Variants in SORCS2 observed in about 807,000 individuals in gnomAD.
SORCS2 encodes the protein sortilin related VPS10 domain containing receptor 2.
In SORCS2, 100 loss-of-function variants were observed where a neutral mutation model predicts 141.6. The observed-to-expected ratio is 0.71, with a 90% confidence interval of 0.60 to 0.83. The LOEUF (loss-of-function observed/expected upper bound fraction) is 0.83. Ranked by LOEUF, SORCS2 falls within the 40% of genes least tolerant of loss-of-function variation. SORCS2 has a pLI of 0.00. For synonymous variants in SORCS2, 789 were observed against 676.9 expected, an observed-to-expected ratio of 1.17 and a Z score of -2.57; for missense variants, 1,646 against 1,560.2, an observed-to-expected ratio of 1.05 and a Z score of -0.93.
At chr4:7,418,269 G>A (rs1202167067) in intron 2 of SORCS2, among the ~76,000 whole-genome samples, 1 of 152,210 alleles carries the variant, frequency 6.6e-6, no homozygotes, top group Non-Finnish European at 1.5e-5. Context: ...AAGTCACTGG[G>A]TGATGCCCAT....
rs894690804 is a variant in SORCS2, at chr4:7,724,121, G to A, written c.2611+238G>A. Among the ~76,000 whole-genome samples the A allele has an allele frequency of 8.9e-3, 1,161 of 131,160 alleles. 17 individuals are homozygous for A. The highest frequency in any genetic ancestry group is 0.036 in the African/African-American group (1,081 of 29,968). The allele number at this position is 131,160 out of a possible 152,430, so 86.0% of individuals were successfully genotyped here. A position where few individuals can be genotyped will look rare whatever the true frequency, so the allele number is the denominator to read the frequency against. On this transcript the variant is annotated intron_variant, in intron 19 of 26. Transcript: ENST00000507866. ...ATTGATGATAGTGGTGGTGATGGTG[G>A]TGGTGGTGGTGGTGGTGGTGATGGT...
rs16840892 is a variant in SORCS2 at position 7,714,334 on chromosome 4, C to A, written c.2084C>A (p.Thr695Lys). The change falls in exon 16 of 27, where the codon ACG (threonine) becomes AAG (lysine). Residue 695 changes from threonine to lysine, a missense_variant. Transcript: ENST00000507866. ...IKGRSFTSAL[T>K]SRVCECRDSD... ...GGGAGGAGCTTCACGTCGGCGCTCACGTCCCGCGTGTGCGAGTGCCGGGAC... is the reference window on the plus strand; with the variant it reads ...GGGAGGAGCTTCACGTCGGCGCTCAAGTCCCGCGTGTGCGAGTGCCGGGAC... The A allele has an allele frequency of 1.3e-6, 2 of 1,573,026 alleles. No homozygotes were observed. The highest frequency in any genetic ancestry group is 1.2e-5 in the South Asian group (1 of 85,558).
chr4:7,302,110 A>G (rs866934010), intron 1 of SORCS2, among the ~76,000 whole-genome samples: 1 of 152,110 alleles, frequency 6.6e-6, no homozygotes, highest in African/African-American at 2.4e-5. Context: ...ACGACATTTT[A>G]TTTTGCTCAC....
intron 1 of SORCS2, among the ~76,000 whole-genome samples, chr4:7,281,498 G>C (rs1181626380): frequency 6.6e-6 from 1 of 152,170 alleles, no homozygotes; most frequent in Non-Finnish European, 1.5e-5. Context: ...CTGTCCTGTT[G>C]CTGGGCTGTG....
At chr4:7,310,863 A>T (rs926626174) in intron 1 of SORCS2, among the ~76,000 whole-genome samples, 4 of 152,244 alleles carry the variant, frequency 2.6e-5, no homozygotes, top group African/African-American at 9.6e-5. Flanking sequence ...TTTCAGAGCA[A>T]AGCACTCACC....
intron 9 of SORCS2, among the ~76,000 whole-genome samples, chr4:7,679,217 T>G (rs921404506): frequency 6.6e-6 from 1 of 152,034 alleles, no homozygotes; most frequent in African/African-American, 2.4e-5. Flanking sequence ...AACCCAGGTG[T>G]GAGGCAAGAC....
At chr4:7,364,542 C>A (rs542583582) in intron 1 of SORCS2, among the ~76,000 whole-genome samples, 3 of 152,090 alleles carry the variant, frequency 2.0e-5, no homozygotes, top group South Asian at 2.1e-4. Context: ...TCTGGGCAGT[C>A]TCCTCCTTCC....
At chr4:7,738,674 A>G (rs1212655913) in intron 26 of SORCS2, among the ~76,000 whole-genome samples, 1 of 151,662 alleles carries the variant, frequency 6.6e-6, no homozygotes, top group East Asian at 1.9e-4. Context: ...CGTCACTCAC[A>G]CTCTGCATCC....
At chr4:7,568,818 T>A (rs1423602763) in intron 3 of SORCS2, among the ~76,000 whole-genome samples, 1 of 152,206 alleles carries the variant, frequency 6.6e-6, no homozygotes, top group Admixed American at 6.5e-5. Flanking sequence ...GGGAAGGAAT[T>A]CCGTGGAAAG....
chr4:7,556,455 G>A (rs189512439), intron 3 of SORCS2, among the ~76,000 whole-genome samples: 60 of 152,198 alleles, frequency 3.9e-4, no homozygotes, highest in Non-Finnish European at 6.9e-4. Context: ...GGAATATGGG[G>A]AGCAAAAAGA....
intron 1 of SORCS2, among the ~76,000 whole-genome samples, chr4:7,227,861 G>T (rs1341391388): frequency 6.6e-6 from 1 of 152,184 alleles, no homozygotes; most frequent in Non-Finnish European, 1.5e-5. Flanking sequence ...GAGGAGGGCA[G>T]CTCCCTCCCT....
At chr4:7,434,962 G>T (rs1367414875) in intron 2 of SORCS2, 4 of 1,443,022 alleles carry the variant, frequency 2.8e-6, no homozygotes, top group Non-Finnish European at 3.7e-6. Flanking sequence ...CCCCAGAGGA[G>T]GCACGGAAGG....
At chr4:7,502,786 G>A (rs7677310) in intron 2 of SORCS2, among the ~76,000 whole-genome samples, 11,349 of 105,900 alleles carry the variant, frequency 0.11, 1,308 homozygotes, top group African/African-American at 0.26. Context: ...TGTGCGGGGA[G>A]CAGGGAAGCC....
At chr4:7,434,506 G>A in intron 2 of SORCS2, 2 of 1,612,516 alleles carry the variant, frequency 1.2e-6, no homozygotes, top group Non-Finnish European at 1.7e-6. Flanking sequence ...ACTGTCCGGG[G>A]CCCCACGGAG....
chr4:7,290,924 T>TA (rs1716557972), intron 1 of SORCS2, among the ~76,000 whole-genome samples: 1 of 152,188 alleles, frequency 6.6e-6, no homozygotes, highest in Non-Finnish European at 1.5e-5. Flanking sequence ...AAGCTGTAGT[T>TA]AAAGAATGAA....
chr4:7,647,280 T>C (rs567356921), intron 4 of SORCS2, among the ~76,000 whole-genome samples: 1 of 152,264 alleles, frequency 6.6e-6, no homozygotes, highest in Non-Finnish European at 1.5e-5. Context: ...TTAGCAATCG[T>C]GGGTGCTTTC....
intron 1 of SORCS2, among the ~76,000 whole-genome samples, chr4:7,296,532 G>A (rs1271025096): frequency 1.3e-5 from 2 of 152,158 alleles, no homozygotes; most frequent in Admixed American, 6.5e-5. Flanking sequence ...CCCCACCAAG[G>A]ACTCAGGGTT....
At chr4:7,481,873 C>T (rs548518607) in intron 2 of SORCS2, among the ~76,000 whole-genome samples, 17 of 152,068 alleles carry the variant, frequency 1.1e-4, no homozygotes, top group Non-Finnish European at 2.1e-4. Flanking sequence ...TGCCTCTCCC[C>T]GCTCATCCAC....
chr4:7,661,672 C>T, intron 6 of SORCS2, 108 bp downstream of exon 6: 1 of 998,766 alleles, frequency 1.0e-6, no homozygotes, highest in Non-Finnish European at 1.5e-6. Context: ...TGGCCCTACA[C>T]AGCCGGCCTC....
Sources: gnomAD v4.1 joint callset for allele counts (sites outside exome capture counted in the v4.1 genomes callset) on GRCh38, gnomAD v4.1.1 for gene constraint, MANE v1.5 for transcripts, NCBI Gene and HGNC (gene_info 2026-07-23, HGNC 2026-07-21) for gene names.